Variants in C8orf33 observed in about 807,000 individuals in gnomAD.
C8orf33 encodes the protein chromosome 8 open reading frame 33.
A neutral mutation model predicts 25.7 loss-of-function variants in C8orf33; 28 were observed. The observed-to-expected ratio is 1.09, with a 90% CI of 0.81 to 1.49. C8orf33 has a LOEUF of 1.49. C8orf33 is among the 40% of genes most tolerant of loss of function. C8orf33 has a pLI of 0.00. For missense variants in C8orf33, 369 were observed against 294.4 expected (o/e 1.25, Z -1.85); for synonymous variants, 153 against 115.9 (o/e 1.32, Z -2.06).
At chr8:145,053,207 G>A (rs1169552603) in intron 3 of C8orf33, 61 bp downstream of exon 3, 10 of 1,612,362 alleles carry the variant, frequency 6.2e-6, no homozygotes, top group South Asian at 4.4e-5. Context: ...GCCTGCAGGT[G>A]CTGGCAGAGT....
Position 145,054,188 on chromosome 8 carries a change from C to G in C8orf33, c.*31C>G. Reference sequence around the variant, plus strand: ...CCCCGAACCTGAAACAATCCCCCTCCCTTGGGGTGGTGTAGGGGTTTGTTT... The same window carrying G: ...CCCCGAACCTGAAACAATCCCCCTCGCTTGGGGTGGTGTAGGGGTTTGTTT... On this transcript the variant is annotated 3_prime_UTR_variant, in exon 5 of 5. Transcript: ENST00000331434. 6.2e-7 allele frequency: 1 copy of G among 1,611,580 alleles called. No homozygotes were observed. Among genetic ancestry groups the G allele is most frequent in the Non-Finnish European group, 8.5e-7 (1 of 1,178,806 alleles).
rs1835356097 is a variant in C8orf33 at position 145,055,799 on chromosome 8, T to G, written c.*1642T>G. On this transcript the variant is annotated 3_prime_UTR_variant, in exon 5 of 5. Coordinates refer to ENST00000331434, the MANE Select transcript of C8orf33 (RefSeq NM_023080.3). ...TATGCAGAAATAATGGCATAAGCTG[T>G]CTCTCTCTCTTCTCTCTCTCTCTGC... The G allele has an allele frequency of 6.5e-6, 1 of 154,310 alleles. No homozygotes were observed. The highest frequency in any genetic ancestry group is 2.4e-5 in the African/African-American group (1 of 41,410). The allele number at this position is 154,310 out of a possible 1,614,324, so 9.6% of individuals were successfully genotyped here. A position where few individuals can be genotyped will look rare whatever the true frequency, so the allele number is the denominator to read the frequency against.
chr8:145,054,054 C>A lies in C8orf33; in HGVS notation c.587C>A (p.Ala196Asp). Residue 196 changes from alanine (A) to aspartate (D), a missense_variant, in exon 5 of 5, where the codon GCC becomes GAC. Transcript: ENST00000331434. ...YSAQVQPVDG[A>D]TRKKSQRVCR... ...GCCCAGGTGCAACCTGTAGATGGAG[C>A]CACCAGAAAGAAGAGCCAAAGGGTC... 6.2e-7 allele frequency: 1 copy of A among 1,614,160 alleles called. No homozygotes were observed. Among genetic ancestry groups the A allele is most frequent in the Non-Finnish European group, 8.5e-7 (1 of 1,180,026 alleles).
rs148456256 is a variant in C8orf33 at position 145,054,255 on chromosome 8, C to T, written c.*98C>T. On this transcript the variant is annotated 3_prime_UTR_variant, in exon 5 of 5. Transcript: ENST00000331434. ...CCAGGACTTCTGTTGTCAGAGAACC[C>T]TGGAGTTGGTCTGTCCCTGGCTGGT... is the stretch of plus-strand genomic sequence containing the variant. 8.3e-3 allele frequency: 11,847 copies of T among 1,420,744 alleles called. 65 individuals are homozygous for T. Among genetic ancestry groups the T allele is most frequent in the Non-Finnish European group, 9.9e-3 (10,338 of 1,040,600 alleles). 88.0% of individuals were successfully genotyped at this position (1,420,744 alleles called of 1,614,324 possible). A position where few individuals can be genotyped will look rare whatever the true frequency, so the allele number is the denominator to read the frequency against.
chr8:145,054,550 A>G lies in C8orf33; in HGVS notation c.*393A>G, dbSNP rs1167788855. On this transcript the variant is annotated 3_prime_UTR_variant, in exon 5 of 5. Transcript: ENST00000331434. ...TCACTTTTGAAAGGAATCCCTGTCA[A>G]ATGGTTTAGTGCTTAATGCTGTTAT... is the stretch of plus-strand genomic sequence containing the variant. 5.7e-6 allele frequency: 1 copy of G among 175,744 alleles called. No homozygotes were observed. Among genetic ancestry groups the G allele is most frequent in the African/African-American group, 2.4e-5 (1 of 41,890 alleles). The allele number at this position is 175,744 out of a possible 1,614,324, so 10.9% of individuals were successfully genotyped here.
In C8orf33 at chr8:145,053,315, C is replaced by T. The variant is rs768301888; in HGVS notation, c.422C>T (p.Ala141Val). 16 of 1,614,026 alleles carry T rather than the reference C, an allele frequency of 9.9e-6. No individual in the cohort carries two copies. The South Asian group carries it at 1.8e-4, about 18-fold the overall frequency. The change falls in exon 4 of 5, where the codon GCA becomes GTA. Residue 141 changes from alanine (A) to valine (V), a missense_variant. Physicochemically the swap from Ala to Val is moderately conservative, Grantham distance 64. Coordinates refer to ENST00000331434, the MANE Select transcript of C8orf33 (RefSeq NM_023080.3). The part of the protein sequence containing the change: ...TPKQKEQAIG[A>V]IRTLRSKRTP... ...TTCGCAGAAGAGCAGGCTATTGGAG[C>T]AATCCGAACCCTGCGCAGCAAAAGA...
chr8:145,053,518 G>C, intron 4 of C8orf33, 75 bp downstream of exon 4: 1 of 1,494,740 alleles, frequency 6.7e-7, no homozygotes, highest in South Asian at 1.2e-5. Flanking sequence ...AAAGGAAGAA[G>C]GCCCAGAGCA....
Position 145,053,443 on chromosome 8 carries a change from GGT to G in C8orf33, c.550+2_550+3del, listed in dbSNP as rs1835310288. On this transcript the variant is annotated splice_donor_variant, in intron 4 of 4. Transcript: ENST00000331434. LOFTEE classifies it high-confidence loss of function. Reference sequence around the variant, plus strand: ...TGAGGCCCTGCGGGCTCTCAGAGCTGGTGAGGAGCTAGCCACTGGTTGATTCA... The same window carrying G: ...TGAGGCCCTGCGGGCTCTCAGAGCTGGAGGAGCTAGCCACTGGTTGATTCA... The G allele has an allele frequency of 6.2e-7, 1 of 1,613,844 alleles. No individual in the cohort carries two copies. Among genetic ancestry groups the G allele is most frequent in the Non-Finnish European group, 8.5e-7 (1 of 1,179,968 alleles).
At position 145,052,790 on chromosome 8, in the gene C8orf33, C is replaced by CA. The variant is rs1438860365; in HGVS notation, c.215dup (p.Asn73GlufsTer2). On this transcript the variant is annotated frameshift_variant, in exon 2 of 5. Coordinates refer to ENST00000331434, the MANE Select transcript of C8orf33 (RefSeq NM_023080.3). LOFTEE classifies it high-confidence loss of function. The stretch of plus-strand genomic sequence containing the variant: ...TGAAGGCGGCACAGCGTCGAAAAAA[C>CA]AAAAGAATAAGAAGAAAACGCGGAA... 1.9e-6 allele frequency: 3 copies of CA among 1,614,118 alleles called. No homozygotes were observed. The East Asian group carries it at 6.7e-5, about 36-fold the overall frequency.
Position 145,056,028 on chromosome 8 carries a change from T to C in C8orf33, c.*1871T>C. The C allele has an allele frequency of 5.1e-6, 1 of 197,976 alleles. No individual in the cohort carries two copies. The highest frequency in any genetic ancestry group is 2.1e-3 in the Middle Eastern group (1 of 482). 12.3% of individuals were successfully genotyped at this position (197,976 alleles called of 1,614,324 possible). ...CCCCCAGGCCCAGGTGTCTTTTCTT[T>C]TATCTCTTTGTCTTGTGTCTTTATT... On this transcript the variant is annotated 3_prime_UTR_variant, in exon 5 of 5. Coordinates refer to ENST00000331434, the MANE Select transcript of C8orf33 (RefSeq NM_023080.3).
In C8orf33 at chr8:145,054,181, C is replaced by T. The variant is rs201731914; in HGVS notation, c.*24C>T. On this transcript the variant is annotated 3_prime_UTR_variant, in exon 5 of 5. Transcript: ENST00000331434. ...AGCGTCTCCCCGAACCTGAAACAATCCCCCTCCCTTGGGGTGGTGTAGGGG... is the reference window on the plus strand; with the variant it reads ...AGCGTCTCCCCGAACCTGAAACAATTCCCCTCCCTTGGGGTGGTGTAGGGG... The T allele has an allele frequency of 1.0e-3, 1,635 of 1,612,670 alleles. 22 individuals are homozygous for T. Among genetic ancestry groups the T allele is most frequent in the African/African-American group, 1.4e-3 (103 of 74,976 alleles).
chr8:145,053,049 A>G lies in C8orf33; in HGVS notation c.319-13A>G. On this transcript the variant is annotated splice_polypyrimidine_tract_variant and intron_variant, in intron 2 of 4. Coordinates refer to ENST00000331434, the MANE Select transcript of C8orf33 (RefSeq NM_023080.3). ...AGTGCCCTCTCACAGCCACTTCCCC[A>G]AATCCATCACAGGCACAACAGTTGG... 6.2e-7 allele frequency: 1 copy of G among 1,614,136 alleles called. No homozygotes were observed. Among genetic ancestry groups the G allele is most frequent in the African/African-American group, 1.3e-5 (1 of 75,022 alleles).
Position 145,055,818 on chromosome 8 carries a change from T to G in C8orf33, c.*1661T>G, listed in dbSNP as rs1273631644. On this transcript the variant is annotated 3_prime_UTR_variant, in exon 5 of 5. Coordinates refer to ENST00000331434, the MANE Select transcript of C8orf33 (RefSeq NM_023080.3). ...AAGCTGTCTCTCTCTCTTCTCTCTC[T>G]CTCTGCCTCTGCTGCCAGGCAGGGA... 6.4e-6 allele frequency: 1 copy of G among 155,080 alleles called. No individual in the cohort carries two copies. Among genetic ancestry groups the G allele is most frequent in the African/African-American group, 2.4e-5 (1 of 41,476 alleles). 9.6% of individuals were successfully genotyped at this position (155,080 alleles called of 1,614,324 possible).
At position 145,054,195 on chromosome 8, in the gene C8orf33, G is replaced by T; in HGVS notation, c.*38G>T. The T allele has an allele frequency of 7.5e-6, 12 of 1,609,772 alleles. No individual in the cohort carries two copies. Among genetic ancestry groups the T allele is most frequent in the East Asian group, 2.2e-5 (1 of 44,852 alleles). Reference sequence around the variant, plus strand: ...CCTGAAACAATCCCCCTCCCTTGGGGTGGTGTAGGGGTTTGTTTTGAGTGC... The same window carrying T: ...CCTGAAACAATCCCCCTCCCTTGGGTTGGTGTAGGGGTTTGTTTTGAGTGC... On this transcript the variant is annotated 3_prime_UTR_variant, in exon 5 of 5. Transcript: ENST00000331434.
chr8:145,054,089 C>G lies in C8orf33; in HGVS notation c.622C>G (p.Arg208Gly). The G allele has an allele frequency of 6.2e-7, 1 of 1,614,164 alleles. No individual in the cohort carries two copies. Among genetic ancestry groups the G allele is most frequent in the South Asian group, 1.1e-5 (1 of 91,086 alleles). Reference protein sequence around the residue: ...RKKSQRVCRPRSIWRAKATLD... With the variant: ...RKKSQRVCRPGSIWRAKATLD... ...GAAGAGCCAAAGGGTCTGCAGGCCT[C>G]GCTCTATATGGAGAGCCAAAGCCAC... Residue 208 changes from arginine (R) to glycine (G), a missense_variant, in exon 5 of 5, where the codon CGC becomes GGC. Coordinates refer to ENST00000331434, the MANE Select transcript of C8orf33 (RefSeq NM_023080.3).
chr8:145,054,313 AC>A lies in C8orf33; in HGVS notation c.*158del. On this transcript the variant is annotated 3_prime_UTR_variant, in exon 5 of 5. Coordinates refer to ENST00000331434, the MANE Select transcript of C8orf33 (RefSeq NM_023080.3). ...TTTGTAGCTGTTGTGAAGGTGTGAG[AC>A]CATCAGATAGGCAAAAGACCCCGTT... 1 of 750,288 alleles carries A rather than the reference AC, an allele frequency of 1.3e-6. No individual in the cohort carries two copies. The highest frequency in any genetic ancestry group is 2.1e-6 in the Non-Finnish European group (1 of 476,232). 46.5% of individuals were successfully genotyped at this position (750,288 alleles called of 1,614,324 possible). A position where few individuals can be genotyped will look rare whatever the true frequency, so the allele number is the denominator to read the frequency against.
At position 145,053,424 on chromosome 8, in the gene C8orf33, C is replaced by T. The variant is rs1319143284; in HGVS notation, c.531C>T (p.Ala177=). 1 of 1,614,026 alleles carries T rather than the reference C, an allele frequency of 6.2e-7. No homozygotes were observed. The highest frequency in any genetic ancestry group is 1.3e-5 in the African/African-American group (1 of 74,908). The change falls in exon 4 of 5, where the codon GCC becomes GCT. Residue 177 remains alanine, a synonymous_variant. Coordinates refer to ENST00000331434, the MANE Select transcript of C8orf33 (RefSeq NM_023080.3). ...AGATGGAAGCCGAATGGCGTGAGGC[C>T]CTGCGGGCTCTCAGAGCTGGTGAGG... The part of the protein sequence containing the change: ...RAQMEAEWRE[A]LRALRAAAYS...
At position 145,052,713 on chromosome 8, in the gene C8orf33, C is replaced by T. The variant is rs1194528700; in HGVS notation, c.134C>T (p.Pro45Leu). The change falls in exon 2 of 5, where the codon CCA becomes CTA. Residue 45 changes from proline to leucine, a missense_variant. Physicochemically the swap from Pro to Leu is moderately conservative, Grantham distance 98. Coordinates refer to ENST00000331434, the MANE Select transcript of C8orf33 (RefSeq NM_023080.3). ...AATCCTTCCACTGTCTGTCTCTGCC[C>T]AGAGCAACCTACGTGCAGTAACGCT... ...ARNPSTVCLC[P>L]EQPTCSNADS... is the part of the protein sequence containing the mutation. 1.2e-6 allele frequency: 2 copies of T among 1,614,050 alleles called. No homozygotes were observed. Among genetic ancestry groups the T allele is most frequent in the Non-Finnish European group, 1.7e-6 (2 of 1,180,034 alleles).
chr8:145,052,838 G>A lies in C8orf33; in HGVS notation c.259G>A (p.Gly87Ser), dbSNP rs1446494758. 1.2e-6 allele frequency: 2 copies of A among 1,613,900 alleles called. No individual in the cohort carries two copies. Among genetic ancestry groups the A allele is most frequent in the East Asian group, 2.2e-5 (1 of 44,898 alleles). The change falls in exon 2 of 5, where the codon GGC (glycine) becomes AGC (serine). Residue 87 changes from glycine to serine, a missense_variant. Gly to Ser is a moderately conservative substitution (Grantham distance 56). Coordinates refer to ENST00000331434, the MANE Select transcript of C8orf33 (RefSeq NM_023080.3). ...GAACAGGGCCTCTGTGGCAAATGGA[G>A]GCGAGAAGGCCTCAGAGAAACTCGC... Reference protein sequence around the residue: ...TRNRASVANGGEKASEKLAPE... With the variant: ...TRNRASVANGSEKASEKLAPE...
Sources: gnomAD v4.1 joint callset for allele counts on GRCh38, gnomAD v4.1.1 for gene constraint, MANE v1.5 for transcripts, NCBI Gene and HGNC (gene_info 2026-07-23, HGNC 2026-07-21) for gene names.